MYO1E: variants seen among roughly 807,000 people sequenced by gnomAD.
MYO1E encodes unconventional myosin-Ie.
In MYO1E, 68 loss-of-function variants were observed where a neutral mutation model predicts 151.1. That is an observed-to-expected ratio of 0.45 (90% CI 0.37 to 0.55). The LOEUF (loss-of-function observed/expected upper bound fraction) is 0.55. Among genes scored for constraint, MYO1E ranks in the 20% least tolerant of loss-of-function variants. MYO1E has a pLI of 0.00. For missense variants in MYO1E, 1,363 were observed against 1,389.3 expected (o/e 0.98, Z 0.30); for synonymous variants, 601 against 501.7 (o/e 1.20, Z -2.64).
intron 19 of MYO1E, among the ~76,000 whole-genome samples, chr15:59,175,379 T>C (rs1445920584): frequency 6.6e-6 from 1 of 152,174 alleles, no homozygotes; most frequent in African/African-American, 2.4e-5. Context: ...AACAAGCCAA[T>C]GTGGTTTGAA....
intron 24 of MYO1E, among the ~76,000 whole-genome samples, chr15:59,158,680 G>A (rs2079521628): frequency 6.6e-6 from 1 of 152,214 alleles, no homozygotes; most frequent in African/African-American, 2.4e-5. Context: ...TTTTAAAAGA[G>A]ACAGATGGAA....
chr15:59,356,455 A>G (rs1442926560), intron 1 of MYO1E, among the ~76,000 whole-genome samples: 1 of 152,232 alleles, frequency 6.6e-6, no homozygotes, highest in African/African-American at 2.4e-5. Flanking sequence ...TTTTTGGAGT[A>G]GATTTTAAGA....
chr15:59,172,452 T>C (rs1197394837), intron 21 of MYO1E, among the ~76,000 whole-genome samples: 1 of 152,180 alleles, frequency 6.6e-6, no homozygotes, highest in Non-Finnish European at 1.5e-5. Context: ...GGACAGTCAA[T>C]CTTCACTACT....
chr15:59,371,924 C>T (rs1464243744), intron 1 of MYO1E, among the ~76,000 whole-genome samples: 3 of 150,662 alleles, frequency 2.0e-5, no homozygotes, highest in African/African-American at 7.3e-5. Flanking sequence ...TGCCTTTGTG[C>T]GGCCCGCGCC....
intron 9 of MYO1E, among the ~76,000 whole-genome samples, chr15:59,220,737 A>G (rs1242882009): frequency 6.6e-6 from 1 of 151,882 alleles, no homozygotes; most frequent in Non-Finnish European, 1.5e-5. Context: ...ATCAGAAACC[A>G]TATTAATGTC....
chr15:59,170,084 C>G (rs1031006128), intron 22 of MYO1E, among the ~76,000 whole-genome samples: 1 of 152,120 alleles, frequency 6.6e-6, no homozygotes, highest in Non-Finnish European at 1.5e-5. Flanking sequence ...CCACTTGGAC[C>G]AGGGAGGCAG....
At chr15:59,207,984 T>G (rs1431894102) in intron 14 of MYO1E, 8 of 1,614,004 alleles carry the variant, frequency 5.0e-6, no homozygotes, top group Non-Finnish European at 6.8e-6. Flanking sequence ...GAGAGAACGG[T>G]ATTACCAACC....
chr15:59,233,660 C>CCAAA (rs2080042267), intron 5 of MYO1E, among the ~76,000 whole-genome samples: 1 of 29,334 alleles, frequency 3.4e-5, no homozygotes, highest in Non-Finnish European at 1.2e-4. Context: ...GAGACTCCGT[C>CCAAA]TAAAAAAAAA....
At chr15:59,300,515 C>T (rs1248976164) in intron 1 of MYO1E, among the ~76,000 whole-genome samples, 2 of 152,216 alleles carry the variant, frequency 1.3e-5, no homozygotes, top group Admixed American at 6.5e-5. Flanking sequence ...CCACTCTGCC[C>T]GCTCATTCTC....
At chr15:59,313,114 A>G (rs780487985) in intron 1 of MYO1E, among the ~76,000 whole-genome samples, 2 of 152,224 alleles carry the variant, frequency 1.3e-5, no homozygotes, top group Non-Finnish European at 1.5e-5. Context: ...AAGGCTTTTG[A>G]GAACCACTGC....
chr15:59,163,384 A>C (rs1436636055), intron 22 of MYO1E, 81 bp from the exon 23 acceptor site: 21 of 1,432,664 alleles, frequency 1.5e-5, no homozygotes, highest in Non-Finnish European at 2.0e-5. Flanking sequence ...TCCATTTTAA[A>C]AATCCTGCAA....
At chr15:59,353,718 T>C (rs1203326077) in intron 1 of MYO1E, among the ~76,000 whole-genome samples, 1 of 147,626 alleles carries the variant, frequency 6.8e-6, no homozygotes, top group African/African-American at 2.5e-5. Context: ...AATCATGCCA[T>C]TGCACCCCAG....
intron 1 of MYO1E, among the ~76,000 whole-genome samples, chr15:59,357,056 C>A (rs1361311307): frequency 7.6e-5 from 11 of 145,336 alleles, no homozygotes; most frequent in Admixed American, 7.6e-4. Context: ...CAGGCGCCCA[C>A]CACCACACCC....
At chr15:59,226,186 T>A (rs1185343558) in intron 7 of MYO1E, among the ~76,000 whole-genome samples, 1 of 152,230 alleles carries the variant, frequency 6.6e-6, no homozygotes, top group African/African-American at 2.4e-5. Flanking sequence ...TAAAAATGAC[T>A]GAATTCACAG....
chr15:59,208,936 G>C, intron 13 of MYO1E, 88 bp from the exon 14 acceptor site: 1 of 1,477,888 alleles, frequency 6.8e-7, no homozygotes, highest in Non-Finnish European at 9.3e-7. Context: ...CAAGGAAACA[G>C]CTCCCCAGAC....
At chr15:59,188,597 G>C (rs1269588963) in intron 17 of MYO1E, among the ~76,000 whole-genome samples, 1 of 152,180 alleles carries the variant, frequency 6.6e-6, no homozygotes, top group Non-Finnish European at 1.5e-5. Context: ...TCGGGAGGCT[G>C]AGGCAGGAAA....
At chr15:59,152,057 A>G (rs1348771339) in intron 26 of MYO1E, among the ~76,000 whole-genome samples, 3 of 149,686 alleles carry the variant, frequency 2.0e-5, no homozygotes, top group Non-Finnish European at 4.4e-5. Context: ...ACCGAGTGAG[A>G]CTCCGTCTAA....
chr15:59,222,666 T>A (rs1373681156), intron 9 of MYO1E, among the ~76,000 whole-genome samples: 2 of 152,314 alleles, frequency 1.3e-5, no homozygotes, highest in East Asian at 3.9e-4. Context: ...GTAAGTGAAT[T>A]TAGATCCTAA....
At chr15:59,280,407 T>G (rs892306022) in intron 1 of MYO1E, among the ~76,000 whole-genome samples, 2 of 152,108 alleles carry the variant, frequency 1.3e-5, no homozygotes. Flanking sequence ...GGCAGATCAC[T>G]TGAGGTCAGG....
Sources: gnomAD v4.1 joint callset for allele counts (sites outside exome capture counted in the v4.1 genomes callset) on GRCh38, gnomAD v4.1.1 for gene constraint, MANE v1.5 for transcripts, NCBI Gene and HGNC (gene_info 2026-07-23, HGNC 2026-07-21) for gene names.